Variants in PCDHGB5 observed in about 807,000 individuals in gnomAD.
PCDHGB5 encodes the protein protocadherin gamma-B5.
Under a neutral mutation model 62.9 loss-of-function variants are expected in PCDHGB5, and 48 were observed. The ratio of observed to expected loss-of-function variants is 0.76; its 90% CI spans 0.61 to 0.97. The LOEUF (loss-of-function observed/expected upper bound fraction) is 0.97, where lower values mean the gene tolerates loss of function less well. Ranked by LOEUF, PCDHGB5 falls within the 50% of genes least tolerant of loss-of-function variation. The pLI, the probability that PCDHGB5 is intolerant of heterozygous loss-of-function variation, is 0.00. For synonymous variants in PCDHGB5, 474 were observed against 511.2 expected (o/e 0.93, Z 0.98); for missense variants, 1,118 against 1,198.6 (o/e 0.93, Z 0.99).
chr5:141,476,868 C>T lies in PCDHGB5; in HGVS notation c.2398-17939C>T, dbSNP rs1213404395. On this transcript the variant is annotated intron_variant, in intron 1 of 3. Coordinates refer to ENST00000617380, the MANE Select transcript of PCDHGB5 (RefSeq NM_018925.3). This position sits in a 1 kb window ranked among gnomAD's most constrained non-coding sequence, Gnocchi z 7.6. ...GTCTTCAACCAGTCCTTGTACCGGG[C>T]GCGCGTCCTGGAGGATGCACCCTCC... 3 of 1,613,874 alleles carry T rather than the reference C, an allele frequency of 1.9e-6. No individual in the cohort carries two copies. Among genetic ancestry groups the T allele is most frequent in the Admixed American group, 3.3e-5 (2 of 60,026 alleles).
At position 141,423,686 on chromosome 5, in the gene PCDHGB5, A is replaced by T. The variant is rs752078243; in HGVS notation, c.2397+23162A>T. 10 of 1,328,296 alleles carry T rather than the reference A, an allele frequency of 7.5e-6. No homozygotes were observed. The East Asian group carries it at 3.6e-4, about 47-fold the overall frequency. The allele number at this position is 1,328,296 out of a possible 1,614,324, so 82.3% of individuals were successfully genotyped here. The stretch of plus-strand genomic sequence containing the variant: ...GTGAGATTTATTTCTCTGCCTCCTA[A>T]TTGTTGGTGTCTTGGCACAAGTCTT... On this transcript the variant is annotated intron_variant, in intron 1 of 3. Transcript: ENST00000617380.
Position 141,491,793 on chromosome 5 carries a change from C to A in PCDHGB5, c.2398-3014C>A. 6.6e-7 allele frequency: 1 copy of A among 1,511,410 alleles called. No homozygotes were observed. The highest frequency in any genetic ancestry group is 1.3e-5 in the South Asian group (1 of 77,572). The allele number at this position is 1,511,410 out of a possible 1,614,324, so 93.6% of individuals were successfully genotyped here. On this transcript the variant is annotated intron_variant, in intron 1 of 3. Coordinates refer to ENST00000617380, the MANE Select transcript of PCDHGB5 (RefSeq NM_018925.3). This position sits in a 1 kb window ranked among gnomAD's most constrained non-coding sequence, Gnocchi z 6.9. ...AGGGATTGAACTTGCATCCACTCCT[C>A]TCCGGCCGGCTTGGTCGCTGGCTGC...
At chr5:141,457,537 T>A (rs967428207) in intron 1 of PCDHGB5, among the ~76,000 whole-genome samples, 2 of 152,228 alleles carry the variant, frequency 1.3e-5, no homozygotes, top group Admixed American at 6.5e-5. Flanking sequence ...TAGGGTTTAA[T>A]GACAAATGTA....
At chr5:141,510,408 T>C (rs1447722710) in intron 3 of PCDHGB5, among the ~76,000 whole-genome samples, 1 of 151,878 alleles carries the variant, frequency 6.6e-6, no homozygotes, top group African/African-American at 2.4e-5. Flanking sequence ...GCTAGGGGCA[T>C]GTAAAGCCAT....
chr5:141,401,725 T>C lies in PCDHGB5; in HGVS notation c.2397+1201T>C, dbSNP rs2094187242. Among the ~76,000 whole-genome samples the C allele has an allele frequency of 2.0e-5, 3 of 152,322 alleles. No individual in the cohort carries two copies. In the South Asian group the frequency reaches 6.2e-4, roughly 32 times the overall value. ...ATTCCATTTTTAAGACAAAAACTAC[T>C]AGTCTTGTGTACATACAAAGCTCCC... On this transcript the variant is annotated intron_variant, in intron 1 of 3. Coordinates refer to ENST00000617380, the MANE Select transcript of PCDHGB5 (RefSeq NM_018925.3).
intron 1 of PCDHGB5, among the ~76,000 whole-genome samples, chr5:141,437,829 C>T (rs2097913718): frequency 6.6e-6 from 1 of 151,986 alleles, no homozygotes; most frequent in Admixed American, 6.6e-5. Flanking sequence ...CCTCTGCCTC[C>T]TGGGTTCATG....
At chr5:141,446,055 G>A (rs1431833512) in intron 1 of PCDHGB5, among the ~76,000 whole-genome samples, 1 of 152,190 alleles carries the variant, frequency 6.6e-6, no homozygotes, top group Non-Finnish European at 1.5e-5. Flanking sequence ...AGCTGGCTTG[G>A]ATTAAAGGGG....
rs2093677345 is a variant in PCDHGB5 at position 141,398,604 on chromosome 5, T to C, written c.477T>C (p.Asp159=). The C allele has an allele frequency of 6.2e-7, 1 of 1,613,930 alleles. No homozygotes were observed. The highest frequency in any genetic ancestry group is 1.1e-5 in the South Asian group (1 of 91,094). The stretch of plus-strand genomic sequence containing the variant: ...GATTTATACTAGAAGTAGCAGAAGA[T>C]GCAGATATTGGCTTAAACTCTCTGC... The part of the protein sequence containing the change: ...GTRFILEVAE[D]ADIGLNSLQK... The change falls in exon 1 of 4, where the codon GAT becomes GAC. Residue 159 remains aspartate, a synonymous_variant. Transcript: ENST00000617380.
chr5:141,460,951 GTA>G (rs200454978), intron 1 of PCDHGB5, among the ~76,000 whole-genome samples: 208 of 139,744 alleles, frequency 1.5e-3, no homozygotes, highest in South Asian at 4.3e-3. Flanking sequence ...TATGTATTAT[GTA>G]TATATATATG....
At chr5:141,497,018 A>G (rs988584487) in intron 2 of PCDHGB5, among the ~76,000 whole-genome samples, 1 of 152,084 alleles carries the variant, frequency 6.6e-6, no homozygotes, top group Non-Finnish European at 1.5e-5. Flanking sequence ...GTGAAACCCC[A>G]TCTCGATTAA....
At chr5:141,500,721 ATG>A (rs1209024560) in intron 2 of PCDHGB5, among the ~76,000 whole-genome samples, 1 of 152,088 alleles carries the variant, frequency 6.6e-6, no homozygotes, top group African/African-American at 2.4e-5. Context: ...GAATTTCCCC[ATG>A]TCTTTCAAAA....
chr5:141,398,293 T>A lies in PCDHGB5; in HGVS notation c.166T>A (p.Phe56Ile). The A allele has an allele frequency of 7.2e-7, 1 of 1,383,344 alleles. No individual in the cohort carries two copies. The highest frequency in any genetic ancestry group is 9.9e-7 in the Non-Finnish European group (1 of 1,008,240). 85.7% of individuals were successfully genotyped at this position (1,383,344 alleles called of 1,614,324 possible). The change falls in exon 1 of 4, where the codon TTC (phenylalanine) becomes ATC (isoleucine). Residue 56 changes from phenylalanine (F) to isoleucine (I), a missense_variant. Around this residue, in one of 2 missense-constraint regions of PCDHGB5, gnomAD observed 84 missense variants for 169.5 expected, o/e 0.50. Transcript: ENST00000617380. ...VVGNLATDLG[F>I]SVQELPTRKL... is the part of the protein sequence containing the mutation. ...GGGGAACCTCGCCACGGACCTGGGG[T>A]TCAGCGTCCAGGAGTTACCGACTCG...
chr5:141,431,560 C>T lies in PCDHGB5; in HGVS notation c.2397+31036C>T, dbSNP rs751276470. On this transcript the variant is annotated intron_variant, in intron 1 of 3. Coordinates refer to ENST00000617380, the MANE Select transcript of PCDHGB5 (RefSeq NM_018925.3). This position sits in a 1 kb window ranked among gnomAD's most constrained non-coding sequence, Gnocchi z 4.8. ...CGCAGCTGCTTGTAGTCAACGCTAC[C>T]GACCCTGACGAAGGAGTCAATGCGG... The T allele has an allele frequency of 6.2e-7, 1 of 1,614,104 alleles. No individual in the cohort carries two copies. The highest frequency in any genetic ancestry group is 1.7e-5 in the Admixed American group (1 of 60,036).
At chr5:141,417,712 C>T in intron 1 of PCDHGB5, 1 of 1,270,436 alleles carries the variant, frequency 7.9e-7, no homozygotes, top group Non-Finnish European at 1.1e-6. Context: ...ACAGAGGCTC[C>T]CGGCTGCGCA....
Position 141,511,225 on chromosome 5 carries a change from C to T in PCDHGB5, c.*52C>T, listed in dbSNP as rs2099883678. On this transcript the variant is annotated 3_prime_UTR_variant, in exon 4 of 4. Transcript: ENST00000617380. Reference sequence around the variant, plus strand: ...GGCGGCCTCTCCCCAACCAGCCCAGCTTCTCCTTACCTGCACCCAGGCCTC... The same window carrying T: ...GGCGGCCTCTCCCCAACCAGCCCAGTTTCTCCTTACCTGCACCCAGGCCTC... 1.9e-6 allele frequency: 3 copies of T among 1,601,506 alleles called. No individual in the cohort carries two copies. Among genetic ancestry groups the T allele is most frequent in the Non-Finnish European group, 2.6e-6 (3 of 1,174,170 alleles).
Position 141,398,945 on chromosome 5 carries a change from T to G in PCDHGB5, c.818T>G (p.Ile273Ser). 3 of 1,613,974 alleles carry G rather than the reference T, an allele frequency of 1.9e-6. No homozygotes were observed. The highest frequency in any genetic ancestry group is 2.5e-6 in the Non-Finnish European group (3 of 1,179,904). The change falls in exon 1 of 4, where the codon ATC becomes AGC. Residue 273 changes from isoleucine to serine, a missense_variant. By Grantham distance (142) the Ile-to-Ser change is moderately radical. Around this residue, in one of 2 missense-constraint regions of PCDHGB5, gnomAD observed 1,034 missense variants for 1,029.1 expected, o/e 1.00. Coordinates refer to ENST00000617380, the MANE Select transcript of PCDHGB5 (RefSeq NM_018925.3). ...QVSATDQDEGINSEITYSFYR... is the reference protein window; with the variant it reads ...QVSATDQDEGSNSEITYSFYR... ...TCAGCCACTGACCAAGACGAGGGCA[T>G]CAACTCAGAAATTACTTATTCCTTC...
chr5:141,476,205 C>G lies in PCDHGB5; in HGVS notation c.2398-18602C>G. ...CTGCTTGGTGCCTTGAACAAGGCTT[C>G]CACGGTCATTCACTATGAGATCCCG... On this transcript the variant is annotated intron_variant, in intron 1 of 3. Transcript: ENST00000617380. The surrounding 1 kb of genome is among the most constrained non-coding windows in gnomAD (Gnocchi z 7.6). 1 of 1,613,892 alleles carries G rather than the reference C, an allele frequency of 6.2e-7. No homozygotes were observed. Among genetic ancestry groups the G allele is most frequent in the Non-Finnish European group, 8.5e-7 (1 of 1,180,012 alleles).
At chr5:141,427,615 A>G (rs1428096450) in intron 1 of PCDHGB5, 2 of 693,732 alleles carry the variant, frequency 2.9e-6, no homozygotes, top group Non-Finnish European at 5.3e-6. Context: ...GGTGAAGTCA[A>G]CGACAATGCT....
chr5:141,409,508 A>G, intron 1 of PCDHGB5: 2 of 1,614,022 alleles, frequency 1.2e-6, no homozygotes, highest in Non-Finnish European at 1.7e-6. Context: ...TTCTTCCAGT[A>G]GAAGCATCAC....
Sources: gnomAD v4.1 joint callset for allele counts (sites outside exome capture counted in the v4.1 genomes callset) on GRCh38, gnomAD v4.1.1 for gene constraint, gnomAD v4.1.1 regional missense constraint, Gnocchi (gnomAD v3.1) non-coding constraint, MANE v1.5 for transcripts, NCBI Gene and HGNC (gene_info 2026-07-23, HGNC 2026-07-21) for gene names.